LRRC4C: variants seen among roughly 807,000 people sequenced by gnomAD.
The protein encoded by LRRC4C is leucine rich repeat containing 4C.
A neutral mutation model predicts 33.6 loss-of-function variants in LRRC4C; 5 were observed. The observed-to-expected ratio is 0.15, with a 90% CI of 0.08 to 0.31. LRRC4C has a LOEUF of 0.31. Among genes scored for constraint, LRRC4C ranks in the 10% least tolerant of loss-of-function variants. The pLI, the probability that LRRC4C is intolerant of heterozygous loss-of-function variation, is 1.00. For synonymous variants in LRRC4C, 329 were observed against 302.0 expected (o/e 1.09, Z -0.93); for missense variants, 560 against 796.7 (o/e 0.70, Z 3.58).
chr11:40,480,243 T>C (rs1953477177), intron 3 of LRRC4C, among the ~76,000 whole-genome samples: 1 of 152,004 alleles, frequency 6.6e-6, no homozygotes. Flanking sequence ...AAATTGACAC[T>C]TACCAGCTAG....
At chr11:41,309,227 G>T (rs917727136) in intron 1 of LRRC4C, among the ~76,000 whole-genome samples, 1 of 152,154 alleles carries the variant, frequency 6.6e-6, no homozygotes, top group African/African-American at 2.4e-5. Context: ...GATAGTGGGG[G>T]GTGGGAGTGC....
At chr11:40,486,404 A>G (rs1234611031) in intron 3 of LRRC4C, among the ~76,000 whole-genome samples, 1 of 152,054 alleles carries the variant, frequency 6.6e-6, no homozygotes, top group Non-Finnish European at 1.5e-5. Context: ...ATTTCTTCAC[A>G]CAGTCAACAT....
intron 2 of LRRC4C, among the ~76,000 whole-genome samples, chr11:40,882,250 G>T (rs1955217680): frequency 6.6e-6 from 1 of 151,970 alleles, no homozygotes; most frequent in Admixed American, 6.6e-5. Context: ...GTTATTTCTA[G>T]CTTAATCTTT....
At chr11:40,364,316 C>T (rs974947652) in intron 3 of LRRC4C, among the ~76,000 whole-genome samples, 14 of 152,150 alleles carry the variant, frequency 9.2e-5, no homozygotes, top group African/African-American at 3.4e-4. Flanking sequence ...TGTTAAACCA[C>T]TATTATAAAT....
At chr11:40,259,893 G>C (rs1867552307) in intron 4 of LRRC4C, among the ~76,000 whole-genome samples, 2 of 151,852 alleles carry the variant, frequency 1.3e-5, no homozygotes. Flanking sequence ...TCATTAAAAA[G>C]TCAGGAAACA....
chr11:41,457,682 A>G (rs1218079615), intron 1 of LRRC4C, among the ~76,000 whole-genome samples: 1 of 152,200 alleles, frequency 6.6e-6, no homozygotes, highest in Non-Finnish European at 1.5e-5. Context: ...CATTACGGGT[A>G]ACAGATAAAA....
Position 40,919,872 on chromosome 11 carries a change from TA to T in LRRC4C, c.-407+13762del, listed in dbSNP as rs547438703. ...TTAATTTTTACATCTTTGCAAGGCA[TA>T]AAAAAACAGAAAAAAATATTGTCAG... On this transcript the variant is annotated intron_variant, in intron 2 of 6. Coordinates refer to ENST00000528697, the MANE Select transcript of LRRC4C (RefSeq NM_001258419.2). Among the ~76,000 whole-genome samples, 33 of 152,116 alleles carry T rather than the reference TA, an allele frequency of 2.2e-4. No individual in the cohort carries two copies. In the South Asian group the frequency reaches 5.2e-3, roughly 24 times the overall value.
intron 3 of LRRC4C, among the ~76,000 whole-genome samples, chr11:40,476,747 T>G (rs1186329960): frequency 6.6e-6 from 1 of 152,170 alleles, no homozygotes. Context: ...AATGTAAAAT[T>G]TATGAAGTTT....
chr11:40,707,027 T>C (rs189597227), intron 2 of LRRC4C, among the ~76,000 whole-genome samples: 5 of 152,318 alleles, frequency 3.3e-5, no homozygotes, highest in African/African-American at 9.6e-5. Flanking sequence ...GTTATAAGCA[T>C]ATAAGTATAC....
rs1238188151 is a variant in LRRC4C, at chr11:41,317,396, A to G, written c.-496+142035T>C. Among the ~76,000 whole-genome samples, 3 of 152,140 alleles carry G rather than the reference A, an allele frequency of 2.0e-5. No homozygotes were observed. In the East Asian group the frequency reaches 5.8e-4, roughly 29 times the overall value. ...TTTCTTTCCCTTCTTTTCTATTCCC[A>G]TAATATTTCCCTAAGGATAACTTTT... is the stretch of plus-strand genomic sequence containing the variant. On this transcript the variant is annotated intron_variant, in intron 1 of 6. Transcript: ENST00000528697.
chr11:41,002,748 A>C (rs2137406257), intron 1 of LRRC4C, among the ~76,000 whole-genome samples: 1 of 152,322 alleles, frequency 6.6e-6, no homozygotes, highest in Non-Finnish European at 1.5e-5. Flanking sequence ...GCATCACAGA[A>C]GAAAAGTAGA....
chr11:40,817,032 C>T (rs866156865), intron 2 of LRRC4C, among the ~76,000 whole-genome samples: 13 of 152,194 alleles, frequency 8.5e-5, no homozygotes, highest in Middle Eastern at 3.4e-3. Flanking sequence ...CAATAGTTAG[C>T]TTAATCTGAA....
chr11:40,861,853 T>TG (rs1024431638), intron 2 of LRRC4C, among the ~76,000 whole-genome samples: 2 of 151,846 alleles, frequency 1.3e-5, no homozygotes, highest in Non-Finnish European at 2.9e-5. Context: ...GAAAGTGGGG[T>TG]GGGGAGGTGC....
chr11:40,703,080 G>C (rs965145622), intron 2 of LRRC4C, among the ~76,000 whole-genome samples: 1 of 151,938 alleles, frequency 6.6e-6, no homozygotes, highest in Non-Finnish European at 1.5e-5. Context: ...TTTTTTAATA[G>C]GGGGCAATTT....
chr11:40,141,490 A>G (rs1857365332), intron 5 of LRRC4C, among the ~76,000 whole-genome samples: 1 of 152,226 alleles, frequency 6.6e-6, no homozygotes, highest in African/African-American at 2.4e-5. Flanking sequence ...TACAAAGTAT[A>G]ATGAAGTAAA....
intron 2 of LRRC4C, among the ~76,000 whole-genome samples, 166 bp from the exon 3 acceptor site, chr11:40,648,444 C>G (rs951991847): frequency 2.6e-5 from 4 of 152,056 alleles, no homozygotes; most frequent in African/African-American, 7.2e-5. Context: ...AAAATATTTT[C>G]TCTTTTAAAA....
At chr11:40,211,726 G>A (rs1468203818) in intron 5 of LRRC4C, among the ~76,000 whole-genome samples, 2 of 152,132 alleles carry the variant, frequency 1.3e-5, no homozygotes, top group African/African-American at 4.8e-5. Context: ...AAGCCAAAAT[G>A]TCAGGTAAAC....
At chr11:40,569,165 C>A (rs537369190) in intron 3 of LRRC4C, among the ~76,000 whole-genome samples, 13 of 152,082 alleles carry the variant, frequency 8.5e-5, no homozygotes, top group Non-Finnish European at 1.3e-4. Context: ...ACCTTTCAGG[C>A]CTTACCACAC....
At chr11:41,132,319 A>G (rs1049691338) in intron 1 of LRRC4C, among the ~76,000 whole-genome samples, 1 of 152,190 alleles carries the variant, frequency 6.6e-6, no homozygotes, top group African/African-American at 2.4e-5. Flanking sequence ...GGGTAGTTTG[A>G]CCATAGATAT....
Sources: gnomAD v4.1 joint callset for allele counts (sites outside exome capture counted in the v4.1 genomes callset) on GRCh38, gnomAD v4.1.1 for gene constraint, MANE v1.5 for transcripts, NCBI Gene and HGNC (gene_info 2026-07-23, HGNC 2026-07-21) for gene names.